The following RBFOX1 variants were observed in gnomAD, a reference collection of about 807,000 sequenced individuals.
RBFOX1 encodes RNA binding protein fox-1 homolog 1.
Under a neutral mutation model 57.7 loss-of-function variants are expected in RBFOX1, and 8 were observed. The observed-to-expected ratio is 0.14, with a 90% CI of 0.08 to 0.25. The LOEUF (loss-of-function observed/expected upper bound fraction) is 0.25, where lower values mean the gene tolerates loss of function less well. Ranked by LOEUF, RBFOX1 falls within the 10% of genes least tolerant of loss-of-function variation. RBFOX1 has a pLI of 1.00. For synonymous variants in RBFOX1, 326 were observed against 222.4 expected, an observed-to-expected ratio of 1.47 and a Z score of -4.15; for missense variants, 611 against 548.5, an observed-to-expected ratio of 1.11 and a Z score of -1.14.
chr16:5,871,380 T>G (rs2057466143), intron 4 of RBFOX1, among the ~76,000 whole-genome samples: 1 of 152,232 alleles, frequency 6.6e-6, no homozygotes, highest in Non-Finnish European at 1.5e-5. Flanking sequence ...GTCCACATGA[T>G]GAATGGAATG....
At chr16:7,523,599 A>G (rs2077998532) in intron 5 of RBFOX1, among the ~76,000 whole-genome samples, 1 of 152,176 alleles carries the variant, frequency 6.6e-6, no homozygotes, top group Non-Finnish European at 1.5e-5. Flanking sequence ...TGGATGGTAC[A>G]CACTCTTAGA....
intron 2 of RBFOX1, among the ~76,000 whole-genome samples, chr16:6,569,068 T>C (rs543291239): frequency 6.6e-5 from 10 of 152,336 alleles, no homozygotes; most frequent in South Asian, 2.1e-4. Flanking sequence ...TTGGATAATA[T>C]GCTACTTAAG....
intron 3 of RBFOX1, among the ~76,000 whole-genome samples, chr16:6,939,885 A>C (rs1203282901): frequency 1.3e-5 from 2 of 152,206 alleles, no homozygotes; most frequent in African/African-American, 2.4e-5. Context: ...TTTACTGCAT[A>C]TTATTCAATT....
chr16:6,225,282 A>C (rs1208352315), intron 1 of RBFOX1, among the ~76,000 whole-genome samples: 2 of 152,146 alleles, frequency 1.3e-5, no homozygotes, highest in African/African-American at 2.4e-5. Flanking sequence ...TGGTATCAAA[A>C]GCTGCAGGGT....
At position 6,750,347 on chromosome 16, in the gene RBFOX1, A is replaced by T. The variant is rs370293428; in HGVS notation, c.-16+95697A>T. ...GTCATAGAGAGGAGCTTGGTGATAGATGCCTTATTATGGTATTTAGGCACT... is the reference window on the plus strand; with the variant it reads ...GTCATAGAGAGGAGCTTGGTGATAGTTGCCTTATTATGGTATTTAGGCACT... On this transcript the variant is annotated intron_variant, in intron 3 of 15. Transcript: ENST00000550418. 3.9e-5 allele frequency among the ~76,000 whole-genome samples: 6 copies of T among 152,300 alleles called. No individual in the cohort carries two copies. In the East Asian group the frequency reaches 1.2e-3, roughly 29 times the overall value.
At chr16:5,902,032 A>T (rs1304408675) in intron 4 of RBFOX1, among the ~76,000 whole-genome samples, 1 of 152,206 alleles carries the variant, frequency 6.6e-6, no homozygotes, top group Non-Finnish European at 1.5e-5. Context: ...ATGTCATAGT[A>T]CTTATAACGT....
intron 4 of RBFOX1, among the ~76,000 whole-genome samples, chr16:7,247,071 C>G (rs2094331736): frequency 6.6e-6 from 1 of 152,104 alleles, no homozygotes; most frequent in African/African-American, 2.4e-5. Flanking sequence ...CAATGGGGTC[C>G]TTGATTTAGG....
intron 1 of RBFOX1, among the ~76,000 whole-genome samples, chr16:6,260,382 A>T (rs541357948): frequency 1.8e-4 from 27 of 152,240 alleles, no homozygotes; most frequent in African/African-American, 6.3e-4. Context: ...TGACACATGG[A>T]TGACCCCAAA....
chr16:6,286,948 C>G (rs1213655046), intron 1 of RBFOX1, among the ~76,000 whole-genome samples: 2 of 152,126 alleles, frequency 1.3e-5, no homozygotes, highest in African/African-American at 4.8e-5. Flanking sequence ...GTAGAGTTGA[C>G]TTGAAGGATA....
intron 3 of RBFOX1, among the ~76,000 whole-genome samples, chr16:6,908,971 G>C (rs1472635180): frequency 2.6e-5 from 4 of 152,062 alleles, no homozygotes; most frequent in Non-Finnish European, 5.9e-5. Context: ...CTCTCTCTGG[G>C]GGCTCCGTTC....
At chr16:5,893,088 T>C (rs1438134143) in intron 4 of RBFOX1, among the ~76,000 whole-genome samples, 1 of 152,200 alleles carries the variant, frequency 6.6e-6, no homozygotes, top group African/African-American at 2.4e-5. Context: ...TGCGTCAGTA[T>C]CAAATGTGTA....
intron 3 of RBFOX1, chr16:6,773,961 C>T (rs1490307317): frequency 1.0e-6 from 1 of 985,156 alleles, no homozygotes; most frequent in Non-Finnish European, 1.2e-6. Context: ...GCACATGGTT[C>T]TCATGGTCCT....
chr16:6,970,546 G>T (rs1056774086), intron 3 of RBFOX1, among the ~76,000 whole-genome samples: 2 of 152,144 alleles, frequency 1.3e-5, no homozygotes, highest in African/African-American at 4.8e-5. Context: ...TGAGGGCTGA[G>T]TCTCTGCCTT....
chr16:6,765,035 T>A (rs888484908), intron 3 of RBFOX1, among the ~76,000 whole-genome samples: 4 of 151,122 alleles, frequency 2.6e-5, no homozygotes, highest in East Asian at 2.0e-4. Context: ...AAAAAAAAAA[T>A]TCATGGTGAC....
intron 1 of RBFOX1, among the ~76,000 whole-genome samples, chr16:6,090,381 C>G (rs1424339724): frequency 6.6e-6 from 1 of 152,178 alleles, no homozygotes; most frequent in African/African-American, 2.4e-5. Flanking sequence ...GGCTGCTATT[C>G]TGCAGATCAC....
chr16:6,809,861 G>T (rs142065596), intron 3 of RBFOX1, among the ~76,000 whole-genome samples: 1 of 152,006 alleles, frequency 6.6e-6, no homozygotes, highest in Non-Finnish European at 1.5e-5. Context: ...TCACCAGTCC[G>T]GTGCCTTTCT....
At chr16:6,054,050 A>G (rs770123599) in intron 1 of RBFOX1, among the ~76,000 whole-genome samples, 7 of 152,152 alleles carry the variant, frequency 4.6e-5, no homozygotes, top group Non-Finnish European at 7.3e-5. Context: ...CCCTGTTTCA[A>G]AAAAGAAAAA....
intron 4 of RBFOX1, among the ~76,000 whole-genome samples, chr16:7,246,995 C>T (rs774639317): frequency 1.3e-5 from 2 of 152,062 alleles, no homozygotes; most frequent in Non-Finnish European, 2.9e-5. Context: ...CCTATTGGTC[C>T]CCAGCAATCA....
chr16:7,613,590 C>G (rs1445455086), intron 10 of RBFOX1, among the ~76,000 whole-genome samples: 1 of 152,028 alleles, frequency 6.6e-6, no homozygotes, highest in Non-Finnish European at 1.5e-5. Context: ...TTGCTTATCT[C>G]AAAAGGGCAA....
Sources: gnomAD v4.1 joint callset for allele counts (sites outside exome capture counted in the v4.1 genomes callset) on GRCh38, gnomAD v4.1.1 for gene constraint, MANE v1.5 for transcripts, NCBI Gene and HGNC (gene_info 2026-07-23, HGNC 2026-07-21) for gene names.